The following VPS45 variants were observed in gnomAD, a reference collection of about 807,000 sequenced individuals.
VPS45 encodes vacuolar protein sorting-associated protein 45.
VPS45 carries 35 observed loss-of-function variants against 75.9 expected under a neutral mutation model. The observed-to-expected ratio is 0.46, with a 90% CI of 0.35 to 0.61. VPS45 has a LOEUF of 0.61. VPS45 is among the 20% of genes least tolerant of loss of function. The probability of loss-of-function intolerance (pLI) is 0.00; values close to 1 mark genes in which losing one functional copy is unlikely to be tolerated. For missense variants in VPS45, 559 were observed against 685.9 expected (o/e 0.81, Z 2.07); for synonymous variants, 220 against 238.2 (o/e 0.92, Z 0.70).
At chr1:150,077,517 T>A in intron 6 of VPS45, 152 bp from the exon 7 acceptor site, 1 of 704,286 alleles carries the variant, frequency 1.4e-6, no homozygotes, top group Non-Finnish European at 2.3e-6. Flanking sequence ...AGTATGCTAC[T>A]AAACTTTGTG....
At position 150,095,062 on chromosome 1, in the gene VPS45, T is replaced by C. The variant is rs115936180; in HGVS notation, c.1493+1414T>C. ...TTTTACACAACAGATGTTGATTGAA[T>C]GCTTTCAGTATGTTAAGAGCTGTTG... On this transcript the variant is annotated intron_variant, in intron 13 of 14. Transcript: ENST00000644510. Among the ~76,000 whole-genome samples the C allele has an allele frequency of 5.5e-3, 838 of 152,366 alleles. 4 individuals are homozygous for C. Among genetic ancestry groups the C allele is most frequent in the African/African-American group, 0.019 (796 of 41,576 alleles).
At position 150,125,644 on chromosome 1, in the gene VPS45, GA is replaced by G. The variant is rs1262324101; in HGVS notation, c.1625+15018del. Among the ~76,000 whole-genome samples, 121 of 121,928 alleles carry G rather than the reference GA, an allele frequency of 9.9e-4. No individual in the cohort carries two copies. The Middle Eastern group carries it at 0.022, about 22-fold the overall frequency. The allele number at this position is 121,928 out of a possible 152,430, so 80.0% of individuals were successfully genotyped here. A position where few individuals can be genotyped will look rare whatever the true frequency, so the allele number is the denominator to read the frequency against. Reference sequence around the variant, plus strand: ...GAAGGGGAACATCACACACTGGGGGGAGGGGGGAGGGATAGCATTAGGAGAT... The same window carrying G: ...GAAGGGGAACATCACACACTGGGGGGGGGGGGAGGGATAGCATTAGGAGAT... On this transcript the variant is annotated intron_variant, in intron 14 of 14. Transcript: ENST00000644510.
chr1:150,082,700 G>A lies in VPS45; in HGVS notation c.937-16G>A, dbSNP rs193195913. Reference sequence around the variant, plus strand: ...AAAAATAACAGAACCTCCCATTGATGTTTTTCCCATGGCAGGCGTTTGTTG... The same window carrying A: ...AAAAATAACAGAACCTCCCATTGATATTTTTCCCATGGCAGGCGTTTGTTG... On this transcript the variant is annotated splice_polypyrimidine_tract_variant and intron_variant, in intron 9 of 14. Coordinates refer to ENST00000644510, the MANE Select transcript of VPS45 (RefSeq NM_007259.5). The A allele has an allele frequency of 3.8e-4, 609 of 1,607,994 alleles. 4 individuals carry two copies. The African/African-American group carries it at 6.8e-3, about 18-fold the overall frequency.
chr1:150,138,484 A>G (rs1659228783), intron 14 of VPS45, among the ~76,000 whole-genome samples: 1 of 152,168 alleles, frequency 6.6e-6, no homozygotes. Context: ...ACTAACTCCC[A>G]GATTTATATT....
At chr1:150,070,162 C>G (rs1245685418) in intron 2 of VPS45, among the ~76,000 whole-genome samples, 1 of 152,146 alleles carries the variant, frequency 6.6e-6, no homozygotes, top group African/African-American at 2.4e-5. Flanking sequence ...GCATTTACAA[C>G]ACCATCTTTA....
chr1:150,145,054 A>G lies in VPS45; in HGVS notation c.*258A>G, dbSNP rs1553816334. 1 of 918,336 alleles carries G rather than the reference A, an allele frequency of 1.1e-6. No homozygotes were observed. Among genetic ancestry groups the G allele is most frequent in the Non-Finnish European group, 1.6e-6 (1 of 622,822 alleles). 56.9% of individuals were successfully genotyped at this position (918,336 alleles called of 1,614,324 possible). Reference sequence around the variant, plus strand: ...AGCACAATCACTTCAGTTACTGATGAATTTTGTTGGGATCTGACTTGGGGA... The same window carrying G: ...AGCACAATCACTTCAGTTACTGATGGATTTTGTTGGGATCTGACTTGGGGA... On this transcript the variant is annotated 3_prime_UTR_variant, in exon 15 of 15. Coordinates refer to ENST00000644510, the MANE Select transcript of VPS45 (RefSeq NM_007259.5).
intron 14 of VPS45, among the ~76,000 whole-genome samples, chr1:150,126,810 G>A (rs1433917149): frequency 5.9e-5 from 9 of 152,176 alleles, no homozygotes; most frequent in South Asian, 2.1e-4. Flanking sequence ...CACAAAAAAC[G>A]TTAAAATTAG....
At chr1:150,136,304 G>A (rs934423754) in intron 14 of VPS45, among the ~76,000 whole-genome samples, 6 of 146,044 alleles carry the variant, frequency 4.1e-5, no homozygotes, top group Admixed American at 1.4e-4. Flanking sequence ...CTGTAATCTC[G>A]GCACTTTGGG....
chr1:150,122,726 T>C (rs1420355642), intron 14 of VPS45, among the ~76,000 whole-genome samples: 3 of 151,898 alleles, frequency 2.0e-5, no homozygotes, highest in African/African-American at 7.3e-5. Flanking sequence ...TGGCTGGGCG[T>C]GGTGGCTCAC....
chr1:150,074,636 C>T (rs587708349), intron 3 of VPS45, among the ~76,000 whole-genome samples: 1 of 152,174 alleles, frequency 6.6e-6, no homozygotes, highest in South Asian at 2.1e-4. Context: ...GATCTGCCCA[C>T]CTTGGCCTCC....
intron 2 of VPS45, among the ~76,000 whole-genome samples, chr1:150,071,686 G>C (rs1655080933): frequency 6.6e-6 from 1 of 151,564 alleles, no homozygotes; most frequent in Admixed American, 6.6e-5. Context: ...TACTTGGGAG[G>C]CTGAGACAGG....
At chr1:150,075,895 G>A (rs1035667635) in intron 3 of VPS45, among the ~76,000 whole-genome samples, 7 of 137,762 alleles carry the variant, frequency 5.1e-5, no homozygotes, top group Non-Finnish European at 9.3e-5. Context: ...GACTACAGGC[G>A]TCCGCCACCA....
At chr1:150,100,906 G>A (rs1454819398) in intron 13 of VPS45, among the ~76,000 whole-genome samples, 1 of 152,096 alleles carries the variant, frequency 6.6e-6, no homozygotes, top group Non-Finnish European at 1.5e-5. Context: ...ATACCATTCT[G>A]GACCTAGGAA....
At chr1:150,100,207 C>T (rs1656905887) in intron 13 of VPS45, among the ~76,000 whole-genome samples, 1 of 152,034 alleles carries the variant, frequency 6.6e-6, no homozygotes, top group Non-Finnish European at 1.5e-5. Context: ...AGCTGAAAGC[C>T]AAATCAGAAA....
intron 14 of VPS45, among the ~76,000 whole-genome samples, chr1:150,139,751 A>G (rs1041913602): frequency 2.0e-5 from 3 of 152,086 alleles, no homozygotes; most frequent in Non-Finnish European, 4.4e-5. Flanking sequence ...GGGTCTTGCT[A>G]TGTTGTCCAG....
At chr1:150,131,529 G>A (rs375390266) in intron 14 of VPS45, among the ~76,000 whole-genome samples, 1 of 151,424 alleles carries the variant, frequency 6.6e-6, no homozygotes, top group Non-Finnish European at 1.5e-5. Context: ...TAAAAATAAG[G>A]TAAAATAAAA....
intron 14 of VPS45, among the ~76,000 whole-genome samples, chr1:150,117,872 T>C (rs1372120687): frequency 2.0e-5 from 3 of 147,170 alleles, no homozygotes; most frequent in Non-Finnish European, 4.5e-5. Context: ...ATAAATAATA[T>C]AAGTTGGATT....
Position 150,076,250 on chromosome 1 carries a change from A to G in VPS45, c.307A>G (p.Ser103Gly). 1 of 1,607,254 alleles carries G rather than the reference A, an allele frequency of 6.2e-7. No individual in the cohort carries two copies. Among genetic ancestry groups the G allele is most frequent in the Non-Finnish European group, 8.5e-7 (1 of 1,176,122 alleles). ...TGTTTCAGATTTCAGTAATGTGATC[A>G]GCAAGAGTGACGTGAAGTCATTGGC... ...IYFIYFSNVI[S>G]KSDVKSLAEA... The change falls in exon 4 of 15, where the codon AGC (serine) becomes GGC (glycine). Residue 103 changes from serine to glycine, a missense_variant. Transcript: ENST00000644510.
At position 150,072,185 on chromosome 1, in the gene VPS45, T is replaced by C. The variant is rs1655112706; in HGVS notation, c.248T>C (p.Ile83Thr). 1.2e-6 allele frequency: 2 copies of C among 1,608,910 alleles called. No homozygotes were observed. The highest frequency in any genetic ancestry group is 1.7e-6 in the Non-Finnish European group (2 of 1,177,218). Residue 83 changes from isoleucine to threonine, a missense_variant, in exon 3 of 15, where the codon ATT becomes ACT. Coordinates refer to ENST00000644510, the MANE Select transcript of VPS45 (RefSeq NM_007259.5). ...TTCTAGGAGAATGTGGATTATATTATTCAGGAGCTCCGAAGACCCAAATAC... is the reference window on the plus strand; with the variant it reads ...TTCTAGGAGAATGTGGATTATATTACTCAGGAGCTCCGAAGACCCAAATAC... ...RPTKENVDYIIQELRRPKYTI... is the reference protein window; with the variant it reads ...RPTKENVDYITQELRRPKYTI...
Sources: gnomAD v4.1 joint callset for allele counts (sites outside exome capture counted in the v4.1 genomes callset) on GRCh38, gnomAD v4.1.1 for gene constraint, MANE v1.5 for transcripts, NCBI Gene and HGNC (gene_info 2026-07-23, HGNC 2026-07-21) for gene names.